The following PNLIP variants were observed in gnomAD, a reference collection of about 807,000 sequenced individuals.
PNLIP encodes pancreatic triacylglycerol lipase.
PNLIP carries 49 observed loss-of-function variants against 57.1 expected under a neutral mutation model. The observed-to-expected ratio is 0.86, with a 90% CI of 0.68 to 1.09. The LOEUF (loss-of-function observed/expected upper bound fraction) is 1.09, where lower values mean the gene tolerates loss of function less well. PNLIP is among the 50% of genes least tolerant of loss of function. The probability of loss-of-function intolerance (pLI) is 0.00; values close to 1 mark genes in which losing one functional copy is unlikely to be tolerated. For synonymous variants in PNLIP, 209 were observed against 200.4 expected (o/e 1.04, Z -0.36); for missense variants, 503 against 570.2 (o/e 0.88, Z 1.20).
At chr10:116,560,059 A>C (rs1847296098) in intron 10 of PNLIP, among the ~76,000 whole-genome samples, 1 of 152,208 alleles carries the variant, frequency 6.6e-6, no homozygotes, top group Admixed American at 6.5e-5. Flanking sequence ...AAAATGTCAC[A>C]GTTCACAATT....
chr10:116,549,370 T>G (rs549685334), intron 4 of PNLIP, among the ~76,000 whole-genome samples: 1 of 152,122 alleles, frequency 6.6e-6, no homozygotes, highest in African/African-American at 2.4e-5. Context: ...TCCCAGCTAC[T>G]CAGGAGGCTG....
chr10:116,563,278 A>T (rs1264922251), intron 12 of PNLIP, among the ~76,000 whole-genome samples: 1 of 152,196 alleles, frequency 6.6e-6, no homozygotes, highest in East Asian at 1.9e-4. Context: ...TGAGCATCAA[A>T]AATTAAAAAA....
chr10:116,550,293 T>C (rs6585411), intron 4 of PNLIP, among the ~76,000 whole-genome samples: 134,524 of 151,112 alleles, frequency 0.89, 60,159 homozygotes, highest in South Asian at 0.92. Context: ...CTCATGACCT[T>C]GTGATCCACC....
chr10:116,546,066 C>T, intron 1 of PNLIP, 27 bp from the exon 2 acceptor site: 4 of 1,610,608 alleles, frequency 2.5e-6, no homozygotes, highest in Non-Finnish European at 3.4e-6. Context: ...CTTAGCCAGA[C>T]TCAATCATGT....
chr10:116,550,212 C>T (rs1028633734), intron 4 of PNLIP, among the ~76,000 whole-genome samples: 1 of 151,652 alleles, frequency 6.6e-6, no homozygotes, highest in Non-Finnish European at 1.5e-5. Flanking sequence ...GCTCCCACCA[C>T]CAGGCCCGGC....
rs747382659 is a variant in PNLIP at position 116,547,375 on chromosome 10, T to C, written c.128T>C (p.Ile43Thr). The C allele has an allele frequency of 6.2e-7, 1 of 1,614,036 alleles. No individual in the cohort carries two copies. The highest frequency in any genetic ancestry group is 1.6e-4 in the Middle Eastern group (1 of 6,062). ...GGAATTACGGAAAGACCCCTCCATA[T>C]ATTGCCTTGGTCTCCAAAAGATGTC... ...WSGITERPLH[I>T]LPWSPKDVNT... Residue 43 changes from isoleucine to threonine, a missense_variant, in exon 3 of 13, where the codon ATA becomes ACA. Coordinates refer to ENST00000369221, the MANE Select transcript of PNLIP (RefSeq NM_000936.4).
At position 116,547,428 on chromosome 10, in the gene PNLIP, G is replaced by A; in HGVS notation, c.181G>A (p.Glu61Lys). The A allele has an allele frequency of 1.2e-6, 2 of 1,612,980 alleles. No homozygotes were observed. The highest frequency in any genetic ancestry group is 1.7e-6 in the Non-Finnish European group (2 of 1,179,744). The change falls in exon 3 of 13, where the codon GAG (glutamate) becomes AAG (lysine). Residue 61 changes from glutamate (E) to lysine (K), a missense_variant. Coordinates refer to ENST00000369221, the MANE Select transcript of PNLIP (RefSeq NM_000936.4). Reference protein sequence around the residue: ...VNTRFLLYTNENPNNFQEVAA... With the variant: ...VNTRFLLYTNKNPNNFQEVAA... ...CACCCGCTTCCTCCTATATACTAAT[G>A]AGAACCCAAACAACTTTCAAGTAAG...
chr10:116,548,120 T>C (rs1047938797), intron 3 of PNLIP, among the ~76,000 whole-genome samples: 6 of 151,830 alleles, frequency 4.0e-5, no homozygotes, highest in South Asian at 2.1e-4. Context: ...GAAGAAAAGA[T>C]CATTACCACC....
chr10:116,555,925 CACTATA>C (rs751753676), intron 8 of PNLIP, 69 bp from the exon 9 acceptor site: 3 of 860,590 alleles, frequency 3.5e-6, no homozygotes, highest in Non-Finnish European at 5.8e-6. Flanking sequence ...TCTATTCAAC[CACTATA>C]TTCTGAATAT....
At chr10:116,560,882 CT>C (rs1847308524) in intron 11 of PNLIP, among the ~76,000 whole-genome samples, 1 of 152,172 alleles carries the variant, frequency 6.6e-6, no homozygotes, top group African/African-American at 2.4e-5. Flanking sequence ...CCAGCCAATG[CT>C]TCTTAATGTT....
At chr10:116,560,728 C>T (rs1414111750) in intron 11 of PNLIP, among the ~76,000 whole-genome samples, 4 of 151,566 alleles carry the variant, frequency 2.6e-5, no homozygotes, top group Non-Finnish European at 4.4e-5. Context: ...CAGGCGCCCA[C>T]CACCACGCCT....
chr10:116,548,232 A>G (rs1209411107), intron 3 of PNLIP, 128 bp from the exon 4 acceptor site: 4 of 806,038 alleles, frequency 5.0e-6, no homozygotes, highest in South Asian at 1.9e-5. Flanking sequence ...TGTGGTTGCT[A>G]TGGAGGAATC....
intron 3 of PNLIP, among the ~76,000 whole-genome samples, chr10:116,548,077 GCA>G (rs140104163): frequency 9.4e-5 from 14 of 148,896 alleles, no homozygotes; most frequent in African/African-American, 3.0e-4. Context: ...ATACACACAC[GCA>G]CACACACACA....
chr10:116,561,463 A>AC lies in PNLIP; in HGVS notation c.1170-9_1170-8insC, dbSNP rs1847314456. 6.2e-7 allele frequency: 1 copy of AC among 1,603,784 alleles called. No homozygotes were observed. The highest frequency in any genetic ancestry group is 8.5e-7 in the Non-Finnish European group (1 of 1,175,262). The stretch of plus-strand genomic sequence containing the variant: ...CATGTATGTTTTTGTTAACTTCTTA[A>AC]ATCCTTAGGGGCACTCTCAAACCAG... On this transcript the variant is annotated splice_polypyrimidine_tract_variant and intron_variant, in intron 11 of 12. Transcript: ENST00000369221.
chr10:116,560,308 C>A lies in PNLIP; in HGVS notation c.1061-108C>A, dbSNP rs563450838. On this transcript the variant is annotated intron_variant, in intron 10 of 12. Coordinates refer to ENST00000369221, the MANE Select transcript of PNLIP (RefSeq NM_000936.4). The stretch of plus-strand genomic sequence containing the variant: ...ACACACACACACACACACACACACA[C>A]AATTATAAATAAATTATTCAAAACG... The A allele has an allele frequency of 1.4e-3, 810 of 575,536 alleles. 4 individuals are homozygous for A. The East Asian group carries it at 0.022, about 16-fold the overall frequency. 35.7% of individuals were successfully genotyped at this position (575,536 alleles called of 1,614,324 possible). A position where few individuals can be genotyped will look rare whatever the true frequency, so the allele number is the denominator to read the frequency against.
chr10:116,547,587 G>A lies in PNLIP; in HGVS notation c.201+139G>A, dbSNP rs553534369. 101 of 658,720 alleles carry A rather than the reference G, an allele frequency of 1.5e-4. No homozygotes were observed. In the Admixed American group the frequency reaches 2.6e-3, roughly 17 times the overall value. 40.8% of individuals were successfully genotyped at this position (658,720 alleles called of 1,614,324 possible). On this transcript the variant is annotated intron_variant, in intron 3 of 12. Transcript: ENST00000369221. ...TAAAAATACAAACAATTAGCCAGGC[G>A]TGGTGGCAGGCGCCTGTAGTCCCAG... is the stretch of plus-strand genomic sequence containing the variant.
intron 12 of PNLIP, among the ~76,000 whole-genome samples, chr10:116,563,954 A>G (rs1847339563): frequency 1.3e-5 from 2 of 152,298 alleles, no homozygotes; most frequent in East Asian, 3.9e-4. Context: ...ATTTGAAATA[A>G]GACCCTTTTT....
intron 12 of PNLIP, among the ~76,000 whole-genome samples, chr10:116,565,988 T>C (rs1847363855): frequency 6.6e-6 from 1 of 152,182 alleles, no homozygotes; most frequent in Non-Finnish European, 1.5e-5. Flanking sequence ...TTTGTATTTT[T>C]AGTTGAGACT....
chr10:116,548,279 A>G, intron 3 of PNLIP, 81 bp from the exon 4 acceptor site: 3 of 1,374,422 alleles, frequency 2.2e-6, no homozygotes, highest in Non-Finnish European at 3.0e-6. Flanking sequence ...GCAGTCTTCT[A>G]CTTACTGCCC....
Sources: allele counts gnomAD v4.1 joint callset (sites outside exome capture counted in the v4.1 genomes callset), GRCh38; gene constraint gnomAD v4.1.1; transcripts MANE v1.5; gene names NCBI Gene and HGNC (gene_info 2026-07-23, HGNC 2026-07-21).